RFX8: variants seen among roughly 807,000 people sequenced by gnomAD.
RFX8 encodes regulatory factor X8, also known as DNA-binding protein RFX8.
In RFX8, 46 loss-of-function variants were observed where a neutral mutation model predicts 54.6. The ratio of observed to expected loss-of-function variants is 0.84; its 90% confidence interval spans 0.67 to 1.08. The LOEUF is 1.08. Ranked by LOEUF, RFX8 falls within the 50% of genes least tolerant of loss-of-function variation. The pLI is 0.00. For synonymous variants in RFX8, 192 were observed against 209.5 expected, an observed-to-expected ratio of 0.92 and a Z score of 0.72; for missense variants, 536 against 562.3, an observed-to-expected ratio of 0.95 and a Z score of 0.47.
chr2:101,414,762 G>C, intron 7 of RFX8, 92 bp downstream of exon 7: 1 of 993,340 alleles, frequency 1.0e-6, no homozygotes, highest in Non-Finnish European at 1.5e-6. Flanking sequence ...CAGATGGACA[G>C]AGCAACCACT....
chr2:101,409,589 T>C (rs1419936931), intron 9 of RFX8, among the ~76,000 whole-genome samples: 1 of 152,074 alleles, frequency 6.6e-6, no homozygotes, highest in Non-Finnish European at 1.5e-5. Context: ...AACCTCCGCC[T>C]GCTGGGTTCA....
intron 1 of RFX8, among the ~76,000 whole-genome samples, chr2:101,469,058 ATATATAT>A (rs1689776255): frequency 6.7e-5 from 1 of 14,860 alleles, no homozygotes; most frequent in South Asian, 3.5e-3. Context: ...ATATATACGT[ATATATAT>A]GTATATATAT....
Position 101,421,774 on chromosome 2 carries a change from C to A in RFX8, c.187G>T (p.Ala63Ser). 1 of 1,548,162 alleles carries A rather than the reference C, an allele frequency of 6.5e-7. No homozygotes were observed. Among genetic ancestry groups the A allele is most frequent in the Non-Finnish European group, 8.7e-7 (1 of 1,144,810 alleles). ...TTGCAGTATTCGTCAGCAAGGAAGGCCATCTAGGAAGAATATGGAAAATTA... is the reference window on the plus strand; with the variant it reads ...TTGCAGTATTCGTCAGCAAGGAAGGACATCTAGGAAGAATATGGAAAATTA... ...QAKKYSCNMMAFLADEYCNYC... is the reference protein window; with the variant it reads ...QAKKYSCNMMSFLADEYCNYC... The change falls in exon 4 of 12, where the codon GCC (alanine) becomes TCC (serine). Residue 63 changes from alanine to serine, a missense_variant. Transcript: ENST00000428343.
chr2:101,432,972 C>A (rs1208545097), intron 2 of RFX8, among the ~76,000 whole-genome samples: 2 of 152,128 alleles, frequency 1.3e-5, no homozygotes, highest in Non-Finnish European at 2.9e-5. Flanking sequence ...TCCTCAGGGC[C>A]CAAGCCAACC....
At chr2:101,424,558 A>C (rs960572870) in intron 2 of RFX8, among the ~76,000 whole-genome samples, 18 of 152,364 alleles carry the variant, frequency 1.2e-4, no homozygotes, top group Admixed American at 5.2e-4. Flanking sequence ...CTATAAAGAC[A>C]CATGCACACG....
intron 2 of RFX8, among the ~76,000 whole-genome samples, chr2:101,444,304 C>T (rs113893154): frequency 3.3e-5 from 5 of 152,340 alleles, no homozygotes; most frequent in African/African-American, 4.8e-5. Flanking sequence ...GAATAGCATG[C>T]AAAGGCTCAG....
In RFX8 at chr2:101,475,106, C is replaced by A. The variant is rs1489041684; in HGVS notation, c.-523G>T. On this transcript the variant is annotated 5_prime_UTR_variant, in exon 1 of 12. Transcript: ENST00000428343. Reference sequence around the variant, plus strand: ...CTGCTGGCCATCTCCAAGTTCACTTCCTTTGTGGGGAACTGTGTGGGTTGT... The same window carrying A: ...CTGCTGGCCATCTCCAAGTTCACTTACTTTGTGGGGAACTGTGTGGGTTGT... Among the ~76,000 whole-genome samples, 3 of 152,166 alleles carry A rather than the reference C, an allele frequency of 2.0e-5. No homozygotes were observed. Among genetic ancestry groups the A allele is most frequent in the Non-Finnish European group, 4.4e-5 (3 of 68,030 alleles).
chr2:101,427,247 G>A (rs1352540172), intron 2 of RFX8, among the ~76,000 whole-genome samples: 1 of 152,182 alleles, frequency 6.6e-6, no homozygotes, highest in Non-Finnish European at 1.5e-5. Context: ...ATGGCAAAGG[G>A]ACCTTGCAGA....
rs1689602454 is a variant in RFX8, at chr2:101,466,873, T to C, written c.-25A>G. On this transcript the variant is annotated 5_prime_UTR_variant, in exon 2 of 12. Coordinates refer to ENST00000428343, the MANE Select transcript of RFX8 (RefSeq NM_001145664.2). Reference sequence around the variant, plus strand: ...TGAGACAGCGAGGGACGCTGCACTCTTCGCAAATGCAGAAGTTGTCGACCA... The same window carrying C: ...TGAGACAGCGAGGGACGCTGCACTCCTCGCAAATGCAGAAGTTGTCGACCA... The C allele has an allele frequency of 5.2e-6, 8 of 1,535,472 alleles. No individual in the cohort carries two copies. The South Asian group carries it at 9.6e-5, about 18-fold the overall frequency.
intron 2 of RFX8, among the ~76,000 whole-genome samples, chr2:101,462,917 C>T (rs550990371): frequency 2.6e-5 from 4 of 152,080 alleles, no homozygotes; most frequent in Non-Finnish European, 5.9e-5. Flanking sequence ...AAGAGTTTCT[C>T]AAAAGGATTC....
At chr2:101,429,967 T>G (rs978719037) in intron 2 of RFX8, among the ~76,000 whole-genome samples, 1 of 152,150 alleles carries the variant, frequency 6.6e-6, no homozygotes, top group Non-Finnish European at 1.5e-5. Context: ...TTCTGAAGGT[T>G]TGGGTCAGTC....
At chr2:101,422,278 G>T in intron 3 of RFX8, 84 bp downstream of exon 3, 2 of 732,746 alleles carry the variant, frequency 2.7e-6, no homozygotes, top group South Asian at 3.3e-5. Context: ...ACACAATCAT[G>T]ACCACAGGCA....
chr2:101,410,679 TG>T lies in RFX8; in HGVS notation c.752del (p.Ser251Ter). 1 of 1,545,990 alleles carries T rather than the reference TG, an allele frequency of 6.5e-7. No individual in the cohort carries two copies. The highest frequency in any genetic ancestry group is 1.2e-5 in the South Asian group (1 of 83,750). The part of the protein sequence containing the change: ...LRNLISLLGT[S>X]TDLRVFLSCL... ...AGCTGAGGAATACCCTGAGATCTGT[TG>T]ATGTTCCCAGCAAAGAAATTAAGTT... On this transcript the variant is annotated frameshift_variant, in exon 9 of 12. Coordinates refer to ENST00000428343, the MANE Select transcript of RFX8 (RefSeq NM_001145664.2). LOFTEE classifies it high-confidence loss of function.
intron 2 of RFX8, among the ~76,000 whole-genome samples, chr2:101,456,762 G>C (rs1688989807): frequency 6.6e-6 from 1 of 152,022 alleles, no homozygotes; most frequent in Non-Finnish European, 1.5e-5. Context: ...TTTTTCTATT[G>C]ATTGGAATAG....
At chr2:101,464,270 G>A (rs533556973) in intron 2 of RFX8, among the ~76,000 whole-genome samples, 5 of 152,130 alleles carry the variant, frequency 3.3e-5, no homozygotes, top group Admixed American at 3.3e-4. Flanking sequence ...TCCTACAAAG[G>A]GGATGTAGTC....
chr2:101,412,510 C>T (rs1196833020), intron 8 of RFX8, among the ~76,000 whole-genome samples: 3 of 152,174 alleles, frequency 2.0e-5, no homozygotes, highest in African/African-American at 4.8e-5. Flanking sequence ...AATGTGTCGA[C>T]GCAGACATCT....
intron 2 of RFX8, among the ~76,000 whole-genome samples, chr2:101,461,121 T>C (rs185658899): frequency 6.6e-6 from 1 of 150,810 alleles, no homozygotes; most frequent in Non-Finnish European, 1.5e-5. Flanking sequence ...CAAAAAAAAA[T>C]TGCCGGGCAT....
rs1483872711 is a variant in RFX8, at chr2:101,402,713, A to G, written c.968T>C (p.Met323Thr). ...HLFHLLLLEY[M>T]IHILQSCLEE... ...TAGGCATGACTGAAGTATATGAATCATATATTCCAAAAGCAACAAGTGAAA... is the reference window on the plus strand; with the variant it reads ...TAGGCATGACTGAAGTATATGAATCGTATATTCCAAAAGCAACAAGTGAAA... The change falls in exon 11 of 12, where the codon ATG becomes ACG. Residue 323 changes from methionine (M) to threonine (T), a missense_variant. Transcript: ENST00000428343. 4 of 1,551,196 alleles carry G rather than the reference A, an allele frequency of 2.6e-6. No individual in the cohort carries two copies. Among genetic ancestry groups the G allele is most frequent in the African/African-American group, 2.7e-5 (2 of 73,082 alleles).
intron 2 of RFX8, among the ~76,000 whole-genome samples, chr2:101,434,259 G>T (rs1440105971): frequency 6.6e-6 from 1 of 152,146 alleles, no homozygotes; most frequent in Non-Finnish European, 1.5e-5. Context: ...GAAGCAAAAA[G>T]TAAGATATCA....
Sources: gnomAD v4.1 joint callset for allele counts (sites outside exome capture counted in the v4.1 genomes callset) on GRCh38, gnomAD v4.1.1 for gene constraint, MANE v1.5 for transcripts, NCBI Gene and HGNC (gene_info 2026-07-23, HGNC 2026-07-21) for gene names.